Variants in CXCL13 observed in about 807,000 individuals in gnomAD.
CXCL13 encodes C-X-C motif chemokine 13.
A neutral mutation model predicts 12.2 loss-of-function variants in CXCL13; 7 were observed. The observed-to-expected ratio is 0.57, with a 90% CI of 0.33 to 1.07. The LOEUF (loss-of-function observed/expected upper bound fraction) is 1.07. CXCL13 is among the 50% of genes least tolerant of loss of function. CXCL13 has a pLI of 0.04. For missense variants in CXCL13, 113 were observed against 127.4 expected, an observed-to-expected ratio of 0.89 and a Z score of 0.55; for synonymous variants, 47 against 42.4, an observed-to-expected ratio of 1.11 and a Z score of -0.42.
At chr4:77,602,187 TTA>T (rs1388004347), upstream of CXCL13, among the ~76,000 whole-genome samples, 384 of 152,350 alleles carry the variant, frequency 2.5e-3, 1 homozygote, top group Non-Finnish European at 4.0e-3. Context: ...CTTTGTCCAA[TTA>T]TGCCATCTCA....
At chr4:77,607,559 A>G (rs1727024032) in intron 1 of CXCL13, 144 bp from the exon 2 acceptor site, 2 of 680,348 alleles carry the variant, frequency 2.9e-6, no homozygotes, top group South Asian at 4.7e-5. Flanking sequence ...AAGCAGAAAT[A>G]TACAAACTAA....
intron 1 of CXCL13, among the ~76,000 whole-genome samples, chr4:77,522,923 G>A (rs757636366): frequency 3.3e-5 from 5 of 152,134 alleles, no homozygotes; most frequent in Non-Finnish European, 7.4e-5. Context: ...AAATCTCTCA[G>A]CATTTGCTTA....
intron 1 of CXCL13, among the ~76,000 whole-genome samples, chr4:77,519,076 G>A (rs989316202): frequency 5.9e-5 from 9 of 152,204 alleles, no homozygotes; most frequent in Admixed American, 5.9e-4. Flanking sequence ...CTGTTTGCCT[G>A]GGTATCAGCA....
chr4:77,560,291 G>A (rs755229179), intron 1 of CXCL13, among the ~76,000 whole-genome samples: 1 of 152,036 alleles, frequency 6.6e-6, no homozygotes, highest in Non-Finnish European at 1.5e-5. Context: ...AGTTCTTATT[G>A]GAATCTGTGT....
At chr4:77,582,257 C>G (rs1726354817) in intron 1 of CXCL13, among the ~76,000 whole-genome samples, 1 of 152,128 alleles carries the variant, frequency 6.6e-6, no homozygotes, top group Non-Finnish European at 1.5e-5. Context: ...TGTGGACAAA[C>G]AAAGCCTCTG....
At chr4:77,581,545 C>A (rs1262360767) in intron 1 of CXCL13, among the ~76,000 whole-genome samples, 3 of 152,102 alleles carry the variant, frequency 2.0e-5, no homozygotes, top group African/African-American at 7.2e-5. Flanking sequence ...TTCCAGGAAC[C>A]ACCTCTTGCT....
intron 1 of CXCL13, among the ~76,000 whole-genome samples, chr4:77,538,576 T>G (rs982319935): frequency 1.3e-5 from 2 of 152,162 alleles, no homozygotes; most frequent in Non-Finnish European, 2.9e-5. Flanking sequence ...AAAAAGATGA[T>G]AGGGGCTTTG....
chr4:77,548,397 C>G (rs1333079182), intron 1 of CXCL13, among the ~76,000 whole-genome samples: 1 of 152,228 alleles, frequency 6.6e-6, no homozygotes, highest in Admixed American at 6.5e-5. Context: ...ATGCACAGCT[C>G]TACCTCACAA....
intron 1 of CXCL13, among the ~76,000 whole-genome samples, chr4:77,545,272 A>C (rs1339226375): frequency 6.6e-6 from 1 of 152,078 alleles, no homozygotes; most frequent in Non-Finnish European, 1.5e-5. Context: ...AGTTTTTTCT[A>C]ATTCTGTGAA....
chr4:77,607,962 A>G, intron 2 of CXCL13, 127 bp downstream of exon 2: 2 of 953,294 alleles, frequency 2.1e-6, no homozygotes, highest in Non-Finnish European at 3.1e-6. Context: ...AAATTCTCAA[A>G]CTAATAATGA....
chr4:77,574,765 T>A (rs986990154), intron 1 of CXCL13, among the ~76,000 whole-genome samples: 3 of 151,848 alleles, frequency 2.0e-5, no homozygotes, highest in Non-Finnish European at 4.4e-5. Flanking sequence ...AGATATCCGT[T>A]GTGTGTGTGA....
chr4:77,545,997 T>G (rs998722096), intron 1 of CXCL13, among the ~76,000 whole-genome samples: 2 of 152,214 alleles, frequency 1.3e-5, no homozygotes, highest in African/African-American at 4.8e-5. Context: ...CTGCCTCTAT[T>G]GAGATCATGA....
intron 1 of CXCL13, among the ~76,000 whole-genome samples, chr4:77,546,379 G>A (rs1261097896): frequency 2.0e-5 from 3 of 152,134 alleles, no homozygotes; most frequent in East Asian, 1.9e-4. Context: ...GCCTGGTCCT[G>A]GACTTTTTTG....
chr4:77,572,802 C>G (rs896176082), intron 1 of CXCL13, among the ~76,000 whole-genome samples: 2 of 151,964 alleles, frequency 1.3e-5, no homozygotes, highest in Non-Finnish European at 2.9e-5. Context: ...CATTGCAGCA[C>G]TATTCACAAT....
chr4:77,518,307 C>T (rs1433678118), intron 1 of CXCL13, among the ~76,000 whole-genome samples: 4 of 152,092 alleles, frequency 2.6e-5, no homozygotes, highest in Admixed American at 6.6e-5. Flanking sequence ...ATCTTTGTGG[C>T]GTTCTCTGTA....
At chr4:77,573,775 A>T (rs908247919) in intron 1 of CXCL13, among the ~76,000 whole-genome samples, 3 of 151,858 alleles carry the variant, frequency 2.0e-5, no homozygotes, top group Admixed American at 2.0e-4. Context: ...TGGCTTAGGG[A>T]ATGAATTCTT....
chr4:77,605,393 G>C (rs1301044598), upstream of CXCL13, among the ~76,000 whole-genome samples: 2 of 152,194 alleles, frequency 1.3e-5, no homozygotes, highest in African/African-American at 4.8e-5. Context: ...CCTACCAAAG[G>C]CCGGAATCCC....
At chr4:77,561,921 A>G (rs168539) in intron 1 of CXCL13, among the ~76,000 whole-genome samples, 21 of 151,936 alleles carry the variant, frequency 1.4e-4, no homozygotes, top group African/African-American at 4.8e-4. Flanking sequence ...GGCTGCGCCC[A>G]GTGCTTGTGG....
rs551125814 is a variant in CXCL13 at position 77,516,591 on chromosome 4, G to T, written c.-43+4803G>T. Among the ~76,000 whole-genome samples the T allele has an allele frequency of 5.3e-5, 8 of 152,264 alleles. No individual in the cohort carries two copies. The South Asian group carries it at 1.5e-3, about 28-fold the overall frequency. On this transcript the variant is annotated intron_variant, in intron 1 of 4. Transcript: ENST00000286758. ...TTCTTCTAGATTTTCTAGTTTATTT[G>T]CATAGAGGTGTTTGTAGTATTCTCT...
Sources: gnomAD v4.1 joint callset for allele counts (sites outside exome capture counted in the v4.1 genomes callset) on GRCh38, gnomAD v4.1.1 for gene constraint, MANE v1.5 for transcripts, NCBI Gene and HGNC (gene_info 2026-07-23, HGNC 2026-07-21) for gene names.